The following ATP6V0D1 variants were observed in gnomAD, a reference collection of about 807,000 sequenced individuals.
ATP6V0D1 encodes V-type proton ATPase subunit d 1.
Under a neutral mutation model 39.0 loss-of-function variants are expected in ATP6V0D1, and 13 were observed. That is an observed-to-expected ratio of 0.33 (90% CI 0.22 to 0.53). The LOEUF (loss-of-function observed/expected upper bound fraction) is 0.53. Ranked by LOEUF, ATP6V0D1 falls within the 20% of genes least tolerant of loss-of-function variation. ATP6V0D1 has a pLI of 0.94. For missense variants in ATP6V0D1, 272 were observed against 470.9 expected (o/e 0.58, Z 3.91); for synonymous variants, 191 against 191.2 (o/e 1.00, Z 0.01).
intron 1 of ATP6V0D1, chr16:67,455,996 CTT>C (rs1160141094): frequency 7.9e-5 from 11 of 138,744 alleles, no homozygotes; most frequent in Non-Finnish European, 1.1e-4. Context: ...GTATGCAAGC[CTT>C]TTTTTTTTTT....
intron 1 of ATP6V0D1, among the ~76,000 whole-genome samples, chr16:67,474,157 C>T (rs1044934184): frequency 5.9e-5 from 9 of 152,206 alleles, no homozygotes; most frequent in Non-Finnish European, 7.3e-5. Context: ...ACTCAAGGCC[C>T]ACCATGGCAC....
chr16:67,455,996 CTTT>C (rs1160141094), intron 1 of ATP6V0D1: 3 of 138,754 alleles, frequency 2.2e-5, no homozygotes, highest in Non-Finnish European at 3.1e-5. Flanking sequence ...GTATGCAAGC[CTTT>C]TTTTTTTTTT....
At chr16:67,443,652 C>A (rs1465091919) in intron 3 of ATP6V0D1, among the ~76,000 whole-genome samples, 3 of 152,194 alleles carry the variant, frequency 2.0e-5, no homozygotes, top group Non-Finnish European at 2.9e-5. Context: ...ACCCAGGGGG[C>A]CACTGTGGGG....
intron 2 of ATP6V0D1, chr16:67,445,780 A>G (rs939569763): frequency 5.3e-6 from 2 of 378,610 alleles, no homozygotes; most frequent in African/African-American, 4.2e-5. Context: ...CCAGCTACAA[A>G]GGGGCTGGGG....
Position 67,465,064 on chromosome 16 carries a change from C to CTTGACT in ATP6V0D1, c.131-11355_131-11350dup, listed in dbSNP as rs778623117. ...AGCCTACTAAAGCACCCTTCGGGGC[C>CTTGACT]TTGACTTTCCTGCCTCTGAAAAGGA... On this transcript the variant is annotated intron_variant, in intron 1 of 7. Coordinates refer to ENST00000290949, the MANE Select transcript of ATP6V0D1 (RefSeq NM_004691.5). Among the ~76,000 whole-genome samples, 3 of 152,364 alleles carry CTTGACT rather than the reference C, an allele frequency of 2.0e-5. No homozygotes were observed. In the East Asian group the frequency reaches 5.8e-4, roughly 29 times the overall value.
chr16:67,447,747 C>T lies in ATP6V0D1; in HGVS notation c.303-3041G>A, dbSNP rs2041134137. On this transcript the variant is annotated intron_variant, in intron 2 of 7. Coordinates refer to ENST00000290949, the MANE Select transcript of ATP6V0D1 (RefSeq NM_004691.5). This position sits in a 1 kb window ranked among gnomAD's most constrained non-coding sequence, Gnocchi z 4.1. ...ACTTCCTCCAAGAAGCCTTCAGAGT[C>T]CCTAGCCAACTCTGCCCCTCTGCTG... 6.6e-6 allele frequency among the ~76,000 whole-genome samples: 1 copy of T among 152,172 alleles called. No individual in the cohort carries two copies. Among genetic ancestry groups the T allele is most frequent in the African/African-American group, 2.4e-5 (1 of 41,440 alleles).
chr16:67,445,006 G>A (rs149270250), intron 2 of ATP6V0D1, among the ~76,000 whole-genome samples: 1 of 152,330 alleles, frequency 6.6e-6, no homozygotes, highest in African/African-American at 2.4e-5. Flanking sequence ...CATGAACAGT[G>A]TTCTAACAGG....
At chr16:67,480,851 G>A in intron 1 of ATP6V0D1, 106 bp downstream of exon 1, 1 of 1,458,418 alleles carries the variant, frequency 6.9e-7, no homozygotes, top group Non-Finnish European at 9.2e-7. Flanking sequence ...TCCCAGAGAG[G>A]CCTCTCAGGC....
chr16:67,480,982 G>A lies in ATP6V0D1; in HGVS notation c.105C>T (p.Asn35=), dbSNP rs372537996. 94 of 1,614,056 alleles carry A rather than the reference G, an allele frequency of 5.8e-5. No individual in the cohort carries two copies. Among genetic ancestry groups the A allele is most frequent in the Non-Finnish European group, 7.6e-5 (90 of 1,180,010 alleles). Residue 35 remains asparagine, a synonymous_variant, in exon 1 of 8, where the codon AAC becomes AAT. Transcript: ENST00000290949. ...AGVLSQADYL[N]LVQCETLEDL... Reference sequence around the variant, plus strand: ...CCTCTAGCGTCTCGCACTGCACCAGGTTGAGGTAGTCGGCCTGGCTGAGCA... The same window carrying A: ...CCTCTAGCGTCTCGCACTGCACCAGATTGAGGTAGTCGGCCTGGCTGAGCA...
In ATP6V0D1 at chr16:67,439,255, A is replaced by G. The variant is rs1222129888; in HGVS notation, c.639+19T>C. On this transcript the variant is annotated intron_variant, in intron 5 of 7. Coordinates refer to ENST00000290949, the MANE Select transcript of ATP6V0D1 (RefSeq NM_004691.5). ...GGGCTAGCGGGCACCAGCAGGCAGGAGGGCGGGCAGGCACTCACCTCCAGG... is the reference window on the plus strand; with the variant it reads ...GGGCTAGCGGGCACCAGCAGGCAGGGGGGCGGGCAGGCACTCACCTCCAGG... 4 of 1,614,044 alleles carry G rather than the reference A, an allele frequency of 2.5e-6. No individual in the cohort carries two copies. The highest frequency in any genetic ancestry group is 3.4e-6 in the Non-Finnish European group (4 of 1,179,992).
chr16:67,444,415 G>C lies in ATP6V0D1; in HGVS notation c.481+113C>G. ...AGGGAGACAAAGGTAAGCAGCAGTG[G>C]GCAGGTCTCACTTTCTGGCTCAGGG... On this transcript the variant is annotated intron_variant, in intron 3 of 7. Coordinates refer to ENST00000290949, the MANE Select transcript of ATP6V0D1 (RefSeq NM_004691.5). This position sits in a 1 kb window ranked among gnomAD's most constrained non-coding sequence, Gnocchi z 4.8. 1 of 1,124,876 alleles carries C rather than the reference G, an allele frequency of 8.9e-7. No homozygotes were observed. Among genetic ancestry groups the C allele is most frequent in the Non-Finnish European group, 1.2e-6 (1 of 801,700 alleles). 69.7% of individuals were successfully genotyped at this position (1,124,876 alleles called of 1,614,324 possible).
intron 2 of ATP6V0D1, among the ~76,000 whole-genome samples, chr16:67,450,591 G>A (rs1386305732): frequency 2.6e-5 from 4 of 152,176 alleles, no homozygotes; most frequent in African/African-American, 9.6e-5. Context: ...CCTTGGCTAC[G>A]TGAAGGTCAG....
Position 67,476,738 on chromosome 16 carries a change from T to A in ATP6V0D1, c.130+4219A>T, listed in dbSNP as rs907021411. Among the ~76,000 whole-genome samples the A allele has an allele frequency of 6.4e-4, 98 of 151,986 alleles. 1 individual carries two copies. The highest frequency in any genetic ancestry group is 2.3e-3 in the African/African-American group (97 of 41,380). On this transcript the variant is annotated intron_variant, in intron 1 of 7. Coordinates refer to ENST00000290949, the MANE Select transcript of ATP6V0D1 (RefSeq NM_004691.5). Reference sequence around the variant, plus strand: ...AAACTAGGTATTATGTGCCTCCCAATAGAGGTACAAACATTGGCTGGGTGT... The same window carrying A: ...AAACTAGGTATTATGTGCCTCCCAAAAGAGGTACAAACATTGGCTGGGTGT...
intron 1 of ATP6V0D1, among the ~76,000 whole-genome samples, chr16:67,473,101 T>A (rs2041387486): frequency 6.6e-6 from 1 of 152,082 alleles, no homozygotes; most frequent in Non-Finnish European, 1.5e-5. Flanking sequence ...ACACTCTACT[T>A]TCTCCTTCCA....
At chr16:67,462,152 G>A (rs920829123) in intron 1 of ATP6V0D1, among the ~76,000 whole-genome samples, 7 of 151,988 alleles carry the variant, frequency 4.6e-5, no homozygotes, top group Non-Finnish European at 7.4e-5. Flanking sequence ...TCACCAGGCC[G>A]TCCCCACCCA....
chr16:67,452,088 G>A (rs2041186979), intron 2 of ATP6V0D1: 2 of 1,084,066 alleles, frequency 1.8e-6, no homozygotes, highest in Non-Finnish European at 2.6e-6. Flanking sequence ...TTCCTGGTAT[G>A]TCCTCAGCTC....
At chr16:67,441,526 C>G (rs1320428856) in intron 4 of ATP6V0D1, 1 of 152,316 alleles carries the variant, frequency 6.6e-6, no homozygotes, top group South Asian at 2.1e-4. Context: ...GCAGGCAACC[C>G]GGCAACAGGC....
In ATP6V0D1 at chr16:67,476,099, G is replaced by A. The variant is rs368590266; in HGVS notation, c.130+4858C>T. 4.4e-4 allele frequency among the ~76,000 whole-genome samples: 67 copies of A among 152,234 alleles called. No individual in the cohort carries two copies. In the East Asian group the frequency reaches 0.013, roughly 29 times the overall value. On this transcript the variant is annotated intron_variant, in intron 1 of 7. Coordinates refer to ENST00000290949, the MANE Select transcript of ATP6V0D1 (RefSeq NM_004691.5). The stretch of plus-strand genomic sequence containing the variant: ...TAGCCAGGCGTGGTAGCGTAGGCCT[G>A]TAGTCACAGCTACTCAGGAGGCTGA...
chr16:67,453,649 G>A lies in ATP6V0D1; in HGVS notation c.197C>T (p.Thr66Met), dbSNP rs763981473. The A allele has an allele frequency of 1.8e-5, 29 of 1,614,038 alleles. No homozygotes were observed. The highest frequency in any genetic ancestry group is 4.0e-5 in the African/African-American group (3 of 74,908). Residue 66 changes from threonine (T) to methionine (M), a missense_variant, in exon 2 of 8, where the codon ACG becomes ATG. Physicochemically the swap from Thr to Met is moderately conservative, Grantham distance 81 (BLOSUM62 -1). This residue lies in a region of ATP6V0D1 where 81 missense variants were observed against 96.0 expected (regional missense o/e 0.84). Coordinates refer to ENST00000290949, the MANE Select transcript of ATP6V0D1 (RefSeq NM_004691.5). The surrounding 1 kb of genome is among the most constrained non-coding windows in gnomAD (Gnocchi z 4.1). The part of the protein sequence containing the change: ...NFLANEASPL[T>M]VSVIDDRLKE... ...GAGCCGGTCATCGATGACTGACACCGTCAGAGGTGATGCCTCGTTGGCCAG... is the reference window on the plus strand; with the variant it reads ...GAGCCGGTCATCGATGACTGACACCATCAGAGGTGATGCCTCGTTGGCCAG...
Sources: allele counts gnomAD v4.1 joint callset (sites outside exome capture counted in the v4.1 genomes callset), GRCh38; gene constraint gnomAD v4.1.1; regional missense constraint gnomAD v4.1.1; non-coding constraint Gnocchi (gnomAD v3.1); transcripts MANE v1.5; gene names NCBI Gene and HGNC (gene_info 2026-07-23, HGNC 2026-07-21).